SDK1: variants seen among roughly 807,000 people sequenced by gnomAD.
The protein encoded by SDK1 is protein sidekick-1.
A neutral mutation model predicts 245.5 loss-of-function variants in SDK1; 157 were observed. That is an observed-to-expected ratio of 0.64 (90% CI 0.56 to 0.73). SDK1 has a LOEUF of 0.73. SDK1 is among the 30% of genes least tolerant of loss of function. The pLI is 0.00. For synonymous variants in SDK1, 1,647 were observed against 1,278.5 expected, an observed-to-expected ratio of 1.29 and a Z score of -6.15; for missense variants, 3,583 against 3,002.3, an observed-to-expected ratio of 1.19 and a Z score of -4.52.
intron 20 of SDK1, among the ~76,000 whole-genome samples, chr7:4,069,544 G>C (rs974249219): frequency 6.6e-6 from 1 of 152,218 alleles, no homozygotes; most frequent in South Asian, 2.1e-4. Context: ...TGGTGGCAGC[G>C]TTCTCAGCTG....
intron 1 of SDK1, among the ~76,000 whole-genome samples, chr7:3,327,649 C>G (rs538911794): frequency 1.3e-5 from 2 of 151,856 alleles, no homozygotes; most frequent in African/African-American, 4.8e-5. Context: ...ATCTGTAGTT[C>G]CAAAATAAAA....
At chr7:3,717,742 C>G (rs1323079065) in intron 4 of SDK1, among the ~76,000 whole-genome samples, 1 of 152,186 alleles carries the variant, frequency 6.6e-6, no homozygotes, top group African/African-American at 2.4e-5. Flanking sequence ...CCTGAATAGT[C>G]TTAAAGCCCT....
At chr7:4,236,510 G>T (rs956150231) in intron 41 of SDK1, among the ~76,000 whole-genome samples, 2 of 152,162 alleles carry the variant, frequency 1.3e-5, no homozygotes, top group African/African-American at 4.8e-5. Context: ...GGCTTTAGGG[G>T]TCTGTGGCCT....
In SDK1 at chr7:3,421,983, T is replaced by C. The variant is rs1299425640; in HGVS notation, c.298+120099T>C. ...CCAGGAGTTGTGAGATTCTTGGAAA[T>C]GTAAAGCATAGTTGATGAGAGGGGG... On this transcript the variant is annotated intron_variant, in intron 1 of 44. Coordinates refer to ENST00000404826, the MANE Select transcript of SDK1 (RefSeq NM_152744.4). Among the ~76,000 whole-genome samples the C allele has an allele frequency of 2.0e-5, 3 of 152,064 alleles. No homozygotes were observed. The East Asian group carries it at 5.8e-4, about 29-fold the overall frequency.
At position 3,405,595 on chromosome 7, in the gene SDK1, C is replaced by G. The variant is rs373181613; in HGVS notation, c.298+103711C>G. On this transcript the variant is annotated intron_variant, in intron 1 of 44. Coordinates refer to ENST00000404826, the MANE Select transcript of SDK1 (RefSeq NM_152744.4). ...TGAAAGCTTTTGGGTTTACCCCATG[C>G]TGGAGTAACATGTAGATCTAGAAGG... Among the ~76,000 whole-genome samples the G allele has an allele frequency of 2.6e-5, 4 of 152,214 alleles. 1 individual carries two copies. In the East Asian group the frequency reaches 5.8e-4, roughly 22 times the overall value.
intron 1 of SDK1, among the ~76,000 whole-genome samples, chr7:3,505,752 C>G (rs1562527830): frequency 6.6e-6 from 1 of 152,058 alleles, no homozygotes; most frequent in Non-Finnish European, 1.5e-5. Flanking sequence ...TCCTGGGATG[C>G]AAAACCTGTA....
chr7:3,967,299 C>T lies in SDK1; in HGVS notation c.1430-19C>T. The T allele has an allele frequency of 6.3e-7, 1 of 1,588,952 alleles. No individual in the cohort carries two copies. The highest frequency in any genetic ancestry group is 8.6e-7 in the Non-Finnish European group (1 of 1,157,090). ...CTCAGGAACAAGGCCCTGATCATTT[C>T]ATTTACTCCTCTTCTCAGATATCGC... On this transcript the variant is annotated intron_variant, in intron 9 of 44. Coordinates refer to ENST00000404826, the MANE Select transcript of SDK1 (RefSeq NM_152744.4).
intron 5 of SDK1, among the ~76,000 whole-genome samples, chr7:3,930,216 C>T (rs1362688681): frequency 2.6e-5 from 4 of 152,156 alleles, no homozygotes; most frequent in African/African-American, 9.7e-5. Flanking sequence ...CTGGTTGTTG[C>T]TCCACTTTCA....
At chr7:3,533,898 A>G (rs552000333) in intron 1 of SDK1, among the ~76,000 whole-genome samples, 1 of 151,654 alleles carries the variant, frequency 6.6e-6, no homozygotes, top group South Asian at 2.1e-4. Flanking sequence ...AAAAACTGTT[A>G]TTTTCTTGTA....
At chr7:3,492,784 G>A (rs892866127) in intron 1 of SDK1, among the ~76,000 whole-genome samples, 2 of 152,154 alleles carry the variant, frequency 1.3e-5, no homozygotes, top group Non-Finnish European at 1.5e-5. Flanking sequence ...CAAACAGAAC[G>A]ATGCAGCTGT....
At chr7:3,650,798 C>T (rs1317803075) in intron 4 of SDK1, among the ~76,000 whole-genome samples, 2 of 151,054 alleles carry the variant, frequency 1.3e-5, no homozygotes, top group Non-Finnish European at 2.9e-5. Context: ...TAGACAGAAT[C>T]ATGCAGTATG....
Position 3,766,267 on chromosome 7 carries a change from T to C in SDK1, c.714-55183T>C, listed in dbSNP as rs114154581. On this transcript the variant is annotated intron_variant, in intron 4 of 44. Coordinates refer to ENST00000404826, the MANE Select transcript of SDK1 (RefSeq NM_152744.4). ...AAGTAGTTGTCCATTTTTCTCAGTCTTAACACTTTCTAAATTCATGCCTCA... is the reference window on the plus strand; with the variant it reads ...AAGTAGTTGTCCATTTTTCTCAGTCCTAACACTTTCTAAATTCATGCCTCA... Among the ~76,000 whole-genome samples the C allele has an allele frequency of 4.8e-3, 730 of 152,354 alleles. 7 individuals are homozygous for C. The highest frequency in any genetic ancestry group is 0.017 in the African/African-American group (705 of 41,584).
At chr7:3,657,813 A>C (rs1452736046) in intron 4 of SDK1, among the ~76,000 whole-genome samples, 4 of 152,230 alleles carry the variant, frequency 2.6e-5, no homozygotes, top group Non-Finnish European at 5.9e-5. Flanking sequence ...AAAGCAGAGG[A>C]AGTCTTATCA....
At chr7:3,612,524 T>G (rs1781625343) in intron 1 of SDK1, among the ~76,000 whole-genome samples, 1 of 152,212 alleles carries the variant, frequency 6.6e-6, no homozygotes, top group African/African-American at 2.4e-5. Context: ...AAAAGGATCT[T>G]CTACCCACAT....
intron 1 of SDK1, among the ~76,000 whole-genome samples, chr7:3,330,483 C>T (rs74907693): frequency 1.3e-5 from 2 of 152,076 alleles, no homozygotes; most frequent in Non-Finnish European, 2.9e-5. Flanking sequence ...AGGGTGAGGC[C>T]TCCATGATGA....
chr7:3,849,541 G>A (rs971705040), intron 5 of SDK1, among the ~76,000 whole-genome samples: 5 of 152,184 alleles, frequency 3.3e-5, no homozygotes, highest in African/African-American at 1.2e-4. Flanking sequence ...ATGTTCAATG[G>A]TTGAGAGGGT....
chr7:3,624,880 T>C (rs1453458144), intron 2 of SDK1, among the ~76,000 whole-genome samples: 2 of 151,904 alleles, frequency 1.3e-5, no homozygotes, highest in Non-Finnish European at 2.9e-5. Context: ...ACCCCATCTC[T>C]ACTAAAAATA....
chr7:3,639,895 G>A (rs938637238), intron 3 of SDK1, among the ~76,000 whole-genome samples: 1 of 151,928 alleles, frequency 6.6e-6, no homozygotes, highest in Non-Finnish European at 1.5e-5. Context: ...TGTCTCTCAG[G>A]CTGGAGTGCA....
intron 4 of SDK1, among the ~76,000 whole-genome samples, chr7:3,803,880 T>C (rs1197864095): frequency 6.6e-6 from 1 of 150,720 alleles, no homozygotes; most frequent in Non-Finnish European, 1.5e-5. Context: ...TTCTCCTGCC[T>C]CAGCCTCCTG....
Sources: allele counts gnomAD v4.1 joint callset (sites outside exome capture counted in the v4.1 genomes callset), GRCh38; gene constraint gnomAD v4.1.1; transcripts MANE v1.5; gene names NCBI Gene and HGNC (gene_info 2026-07-23, HGNC 2026-07-21).